Variants in ESRRG observed in about 807,000 individuals in gnomAD.
The protein encoded by ESRRG is estrogen-related receptor gamma.
In ESRRG, 13 loss-of-function variants were observed where a neutral mutation model predicts 44.0. The ratio of observed to expected loss-of-function variants is 0.30; its 90% CI spans 0.19 to 0.47. ESRRG has a LOEUF of 0.47. ESRRG is among the 20% of genes least tolerant of loss of function. ESRRG has a pLI of 1.00. For missense variants in ESRRG, 395 were observed against 580.6 expected, an observed-to-expected ratio of 0.68 and a Z score of 3.29; for synonymous variants, 215 against 214.6, an observed-to-expected ratio of 1.00 and a Z score of -0.02.
intron 1 of ESRRG, among the ~76,000 whole-genome samples, chr1:217,046,488 T>A (rs2084904310): frequency 6.6e-6 from 1 of 152,210 alleles, no homozygotes; most frequent in Admixed American, 6.5e-5. Flanking sequence ...AGCTCCTACC[T>A]ACATTTATAG....
chr1:216,779,085 A>C (rs187235779), intron 2 of ESRRG, among the ~76,000 whole-genome samples: 21 of 136,348 alleles, frequency 1.5e-4, no homozygotes, highest in African/African-American at 5.8e-4. Flanking sequence ...CTCTGTTATT[A>C]TGTGGAGGCT....
intron 1 of ESRRG, among the ~76,000 whole-genome samples, chr1:216,993,194 T>C (rs936252770): frequency 1.3e-5 from 2 of 152,210 alleles, no homozygotes; most frequent in African/African-American, 2.4e-5. Context: ...CAAAGTAGTA[T>C]ATTTAGCCAC....
chr1:216,993,809 A>T (rs1262812934), intron 1 of ESRRG, among the ~76,000 whole-genome samples: 1 of 152,204 alleles, frequency 6.6e-6, no homozygotes, highest in Non-Finnish European at 1.5e-5. Flanking sequence ...CTCCTGGTCC[A>T]TAATGATGAG....
At chr1:217,124,303 A>G (rs2092861449) in intron 1 of ESRRG, among the ~76,000 whole-genome samples, 1 of 152,224 alleles carries the variant, frequency 6.6e-6, no homozygotes, top group South Asian at 2.1e-4. Context: ...GGAAAAAAGC[A>G]GTTTGTCTCA....
intron 1 of ESRRG, among the ~76,000 whole-genome samples, chr1:216,952,443 T>A (rs1312383611): frequency 6.6e-6 from 1 of 152,156 alleles, no homozygotes; most frequent in Non-Finnish European, 1.5e-5. Context: ...GTGGTCATGG[T>A]CAGGGATCTT....
chr1:216,821,692 ATAAATAAATAAATAAAT>A (rs1483641248), intron 2 of ESRRG, among the ~76,000 whole-genome samples: 6 of 54,154 alleles, frequency 1.1e-4, no homozygotes, highest in South Asian at 6.0e-4. Context: ...CTCAGGAAAA[ATAAATAAATAAATAAAT>A]AAATAAATAA....
intron 1 of ESRRG, among the ~76,000 whole-genome samples, chr1:217,113,693 C>G (rs1440386335): frequency 6.6e-6 from 1 of 152,078 alleles, no homozygotes; most frequent in Non-Finnish European, 1.5e-5. Context: ...TGTTACTCCT[C>G]CCTTTAAGAA....
intron 1 of ESRRG, among the ~76,000 whole-genome samples, chr1:217,044,670 C>T (rs929403144): frequency 1.2e-4 from 19 of 152,150 alleles, no homozygotes; most frequent in African/African-American, 4.6e-4. Context: ...AGTCCATTTT[C>T]ATATTTTCTG....
intron 2 of ESRRG, among the ~76,000 whole-genome samples, chr1:216,821,884 T>C (rs1440234083): frequency 6.6e-6 from 1 of 151,966 alleles, no homozygotes; most frequent in Non-Finnish European, 1.5e-5. Flanking sequence ...GTCACACAAC[T>C]ACTCACATAC....
At chr1:216,730,305 T>TAAAAAAAAAAAAA (rs11445965) in intron 2 of ESRRG, among the ~76,000 whole-genome samples, 2 of 121,416 alleles carry the variant, frequency 1.6e-5, no homozygotes, top group Non-Finnish European at 3.4e-5. Flanking sequence ...CTTAGAAAGG[T>TAAAAAAAAAAAAA]AAAAAAAAAA....
chr1:216,718,151 T>C (rs2085314062), intron 1 of ESRRG, among the ~76,000 whole-genome samples: 1 of 151,918 alleles, frequency 6.6e-6, no homozygotes, highest in African/African-American at 2.4e-5. Flanking sequence ...AAATCAGATC[T>C]GTAAATACCT....
chr1:216,604,787 A>G (rs2059706555), intron 3 of ESRRG, among the ~76,000 whole-genome samples: 1 of 152,208 alleles, frequency 6.6e-6, no homozygotes, highest in Non-Finnish European at 1.5e-5. Flanking sequence ...TGTACCATCT[A>G]AAATATTTGC....
At chr1:217,054,251 T>A (rs892284198) in intron 1 of ESRRG, among the ~76,000 whole-genome samples, 1 of 152,176 alleles carries the variant, frequency 6.6e-6, no homozygotes, top group African/African-American at 2.4e-5. Context: ...TTAGAGATGA[T>A]CCAATAGGCT....
At chr1:216,970,187 A>C (rs1360712246) in intron 1 of ESRRG, among the ~76,000 whole-genome samples, 1 of 152,214 alleles carries the variant, frequency 6.6e-6, no homozygotes, top group African/African-American at 2.4e-5. Flanking sequence ...TACTGAAGCC[A>C]CCAGAGTTTT....
At chr1:217,088,875 G>A (rs2092255288) in intron 1 of ESRRG, among the ~76,000 whole-genome samples, 1 of 152,056 alleles carries the variant, frequency 6.6e-6, no homozygotes. Context: ...AGACTTGAGG[G>A]GTAGAAGGAG....
intron 5 of ESRRG, among the ~76,000 whole-genome samples, chr1:216,558,379 C>T (rs1044268913): frequency 6.6e-6 from 1 of 152,080 alleles, no homozygotes; most frequent in Non-Finnish European, 1.5e-5. Context: ...GCCAATGGTC[C>T]TGCCCATGTA....
chr1:216,931,767 TA>T (rs1164660556), intron 2 of ESRRG, among the ~76,000 whole-genome samples: 1 of 134,334 alleles, frequency 7.4e-6, no homozygotes, highest in Admixed American at 7.9e-5. Context: ...ATATTTAGAA[TA>T]AAAAGATTAT....
At chr1:216,631,257 C>T (rs1169423401) in intron 3 of ESRRG, among the ~76,000 whole-genome samples, 5 of 152,208 alleles carry the variant, frequency 3.3e-5, no homozygotes, top group African/African-American at 4.8e-5. Context: ...GAAGTTGCTA[C>T]GTTCAAACTG....
At chr1:216,892,653 A>T (rs1014610451) in intron 2 of ESRRG, among the ~76,000 whole-genome samples, 3 of 152,200 alleles carry the variant, frequency 2.0e-5, no homozygotes, top group Admixed American at 1.3e-4. Context: ...CCAACCGTCT[A>T]GAAGGCAAAG....
Sources: gnomAD v4.1 joint callset for allele counts (sites outside exome capture counted in the v4.1 genomes callset) on GRCh38, gnomAD v4.1.1 for gene constraint, MANE v1.5 for transcripts, NCBI Gene and HGNC (gene_info 2026-07-23, HGNC 2026-07-21) for gene names.